PCDHGA4: variants seen among roughly 807,000 people sequenced by gnomAD.
The protein encoded by PCDHGA4 is protocadherin gamma-A4.
A neutral mutation model predicts 54.6 loss-of-function variants in PCDHGA4; 38 were observed. That is an observed-to-expected ratio of 0.70 (90% CI 0.54 to 0.91). The LOEUF (loss-of-function observed/expected upper bound fraction) is 0.91. Among genes scored for constraint, PCDHGA4 ranks in the 40% least tolerant of loss-of-function variants. The pLI, the probability that PCDHGA4 is intolerant of heterozygous loss-of-function variation, is 0.00. For synonymous variants in PCDHGA4, 511 were observed against 512.9 expected, an observed-to-expected ratio of 1.00 and a Z score of 0.05; for missense variants, 1,298 against 1,220.9, an observed-to-expected ratio of 1.06 and a Z score of -0.94.
In PCDHGA4 at chr5:141,355,156, A is replaced by G; in HGVS notation, c.49A>G (p.Thr17Ala). ...PEDPGAPQAS[T>A]EGKPKHRRLR... ...AGATCCTGGGGCTCCTCAGGCCTCG[A>G]CAGAGGGAAAACCGAAGCACAGGCG... The change falls in exon 1 of 4, where the codon ACA (threonine) becomes GCA (alanine). Residue 17 changes from threonine (T) to alanine (A), a missense_variant. Transcript: ENST00000571252. The G allele has an allele frequency of 6.4e-7, 1 of 1,554,072 alleles. No homozygotes were observed. Among genetic ancestry groups the G allele is most frequent in the Non-Finnish European group, 8.7e-7 (1 of 1,151,782 alleles).
Position 141,489,948 on chromosome 5 carries a change from T to G in PCDHGA4, c.2515-4859T>G. The G allele has an allele frequency of 6.2e-7, 1 of 1,614,210 alleles. No homozygotes were observed. Among genetic ancestry groups the G allele is most frequent in the Non-Finnish European group, 8.5e-7 (1 of 1,180,030 alleles). ...TCTCTGTCATCGTGCTGGACATCAA[T>G]GATAATGCTCCAACCTTCCAATCCT... On this transcript the variant is annotated intron_variant, in intron 1 of 3. Transcript: ENST00000571252. The surrounding 1 kb of genome is among the most constrained non-coding windows in gnomAD (Gnocchi z 4.5).
At chr5:141,450,549 C>T (rs1414500813) in intron 1 of PCDHGA4, among the ~76,000 whole-genome samples, 2 of 151,756 alleles carry the variant, frequency 1.3e-5, no homozygotes, top group Non-Finnish European at 2.9e-5. Context: ...TGCAGTGGCG[C>T]AGTCTCGGCT....
At chr5:141,457,802 T>C (rs1332412750) in intron 1 of PCDHGA4, among the ~76,000 whole-genome samples, 1 of 152,210 alleles carries the variant, frequency 6.6e-6, no homozygotes, top group Non-Finnish European at 1.5e-5. Context: ...TCCTCTCCTC[T>C]TGAGGTCCCA....
In PCDHGA4 at chr5:141,505,363, T is replaced by C. The variant is rs751635403; in HGVS notation, c.2574-30T>C. 1.6e-5 allele frequency: 26 copies of C among 1,613,242 alleles called. No individual in the cohort carries two copies. In the Middle Eastern group the frequency reaches 9.9e-4, roughly 61 times the overall value. On this transcript the variant is annotated intron_variant, in intron 2 of 3. Transcript: ENST00000571252. ...GGCATGAGCTGTGCCGGCCTGGGAG[T>C]CTGTGCTCACCATCCTACTCTCTCC... is the stretch of plus-strand genomic sequence containing the variant.
chr5:141,390,061 A>G, intron 1 of PCDHGA4: 1 of 1,614,016 alleles, frequency 6.2e-7, no homozygotes, highest in East Asian at 2.2e-5. Context: ...AGCTGCTTCC[A>G]GCCTGGTCTC....
At chr5:141,503,620 A>C (rs1475731896) in intron 2 of PCDHGA4, among the ~76,000 whole-genome samples, 1 of 152,026 alleles carries the variant, frequency 6.6e-6, no homozygotes, top group East Asian at 1.9e-4. Flanking sequence ...AAAAAGAAAA[A>C]AGAAAAGAAA....
intron 1 of PCDHGA4, chr5:141,399,754 A>G: frequency 6.2e-7 from 1 of 1,613,326 alleles, no homozygotes; most frequent in Non-Finnish European, 8.5e-7. Flanking sequence ...CGCAAACGTG[A>G]GCCTGCGCGT....
intron 1 of PCDHGA4, chr5:141,404,653 C>A (rs754039673): frequency 2.4e-5 from 39 of 1,614,206 alleles, no homozygotes; most frequent in Non-Finnish European, 3.1e-5. Flanking sequence ...ACCCTGCCCT[C>A]CCCACTGATG....
At chr5:141,414,363 T>C in intron 1 of PCDHGA4, 3 of 1,613,910 alleles carry the variant, frequency 1.9e-6, no homozygotes, top group Non-Finnish European at 1.7e-6. Context: ...ATCTACCATT[T>C]AAATTAGAAA....
intron 1 of PCDHGA4, chr5:141,440,652 C>T (rs755275974): frequency 6.6e-6 from 1 of 152,160 alleles, no homozygotes; most frequent in Non-Finnish European, 1.5e-5. Flanking sequence ...AAAATTATCA[C>T]CTTAGCAGCA....
chr5:141,477,087 C>T lies in PCDHGA4; in HGVS notation c.2515-17720C>T, dbSNP rs748424193. ...AAACTCCATGAGATTTACATCCAGG[C>T]CAAAGACAAGGGCGCCAATCCCGAA... On this transcript the variant is annotated intron_variant, in intron 1 of 3. Coordinates refer to ENST00000571252, the MANE Select transcript of PCDHGA4 (RefSeq NM_018917.4). The surrounding 1 kb of genome is among the most constrained non-coding windows in gnomAD (Gnocchi z 4.9). The T allele has an allele frequency of 1.2e-6, 2 of 1,614,244 alleles. No individual in the cohort carries two copies. Among genetic ancestry groups the T allele is most frequent in the Admixed American group, 3.3e-5 (2 of 60,032 alleles).
In PCDHGA4 at chr5:141,389,747, G is replaced by C. The variant is rs766506538; in HGVS notation, c.2514+32126G>C. 6 of 1,612,724 alleles carry C rather than the reference G, an allele frequency of 3.7e-6. No individual in the cohort carries two copies. The South Asian group carries it at 4.4e-5, about 12-fold the overall frequency. ...GGCTCTTCAGCCTGGGGCTGCGCAC[G>C]GGCGAAGTGCGCACAGCGCGTGCCT... is the stretch of plus-strand genomic sequence containing the variant. On this transcript the variant is annotated intron_variant, in intron 1 of 3. Coordinates refer to ENST00000571252, the MANE Select transcript of PCDHGA4 (RefSeq NM_018917.4).
chr5:141,497,796 TC>T (rs1251163385), intron 2 of PCDHGA4, among the ~76,000 whole-genome samples: 2 of 152,160 alleles, frequency 1.3e-5, no homozygotes, highest in African/African-American at 2.4e-5. Context: ...TGCTTCAGCT[TC>T]CCAAAGTGCT....
At chr5:141,399,708 A>C (rs769072460) in intron 1 of PCDHGA4, 50 of 1,613,374 alleles carry the variant, frequency 3.1e-5, no homozygotes, top group Non-Finnish European at 4.2e-5. Context: ...TCGAACTCAC[A>C]CTACAGGCCC....
At chr5:141,414,699 C>T (rs2095778847) in intron 1 of PCDHGA4, 2 of 1,613,952 alleles carry the variant, frequency 1.2e-6, no homozygotes, top group Non-Finnish European at 1.7e-6. Context: ...TGTCCTCATA[C>T]ATATCCATCA....
intron 1 of PCDHGA4, among the ~76,000 whole-genome samples, chr5:141,434,259 G>A (rs1452016594): frequency 6.6e-6 from 1 of 152,230 alleles, no homozygotes; most frequent in Non-Finnish European, 1.5e-5. Flanking sequence ...CATTGTGGGG[G>A]AGGTGGAAAT....
intron 1 of PCDHGA4, chr5:141,360,807 C>A: frequency 1.2e-6 from 2 of 1,613,914 alleles, no homozygotes; most frequent in Non-Finnish European, 8.5e-7. Flanking sequence ...CTCAAAGTGG[C>A]ACGACCCAAA....
chr5:141,454,232 G>T (rs2098784520), intron 1 of PCDHGA4, among the ~76,000 whole-genome samples: 1 of 152,146 alleles, frequency 6.6e-6, no homozygotes, highest in African/African-American at 2.4e-5. Context: ...TAATTGTGAT[G>T]AAAAGGATGA....
intron 1 of PCDHGA4, among the ~76,000 whole-genome samples, chr5:141,459,348 C>G (rs1015330513): frequency 2.6e-5 from 4 of 152,194 alleles, no homozygotes; most frequent in Admixed American, 2.0e-4. Context: ...TCTTGAAATT[C>G]ATTCATGTTC....
Sources: gnomAD v4.1 joint callset for allele counts (sites outside exome capture counted in the v4.1 genomes callset) on GRCh38, gnomAD v4.1.1 for gene constraint, Gnocchi (gnomAD v3.1) non-coding constraint, MANE v1.5 for transcripts, NCBI Gene and HGNC (gene_info 2026-07-23, HGNC 2026-07-21) for gene names.